Variants in ERC2 observed in about 807,000 individuals in gnomAD.
The protein encoded by ERC2 is ERC protein 2.
Under a neutral mutation model 114.8 loss-of-function variants are expected in ERC2, and 42 were observed. The ratio of observed to expected loss-of-function variants is 0.37; its 90% CI spans 0.29 to 0.47. The LOEUF (loss-of-function observed/expected upper bound fraction) is 0.47, where lower values mean the gene tolerates loss of function less well. Among genes scored for constraint, ERC2 ranks in the 20% least tolerant of loss-of-function variants. ERC2 has a pLI of 0.99. For synonymous variants in ERC2, 454 were observed against 425.5 expected (o/e 1.07, Z -0.82); for missense variants, 939 against 1,150.7 (o/e 0.82, Z 2.66).
chr3:55,557,521 G>C (rs2055701653), intron 17 of ERC2, among the ~76,000 whole-genome samples: 1 of 152,226 alleles, frequency 6.6e-6, no homozygotes, highest in African/African-American at 2.4e-5. Context: ...TGCTTCTCCT[G>C]GCCACCCCTT....
chr3:55,736,525 T>C (rs1410848830), intron 14 of ERC2, among the ~76,000 whole-genome samples: 1 of 152,152 alleles, frequency 6.6e-6, no homozygotes, highest in Non-Finnish European at 1.5e-5. Flanking sequence ...CTCTTTGCCA[T>C]TTGATAGCAT....
intron 3 of ERC2, among the ~76,000 whole-genome samples, chr3:56,271,488 G>A (rs577673132): frequency 1.5e-4 from 23 of 152,240 alleles, no homozygotes; most frequent in African/African-American, 5.5e-4. Context: ...CTATAAGATA[G>A]AGATAACAGA....
rs905542058 is a variant in ERC2, at chr3:55,866,542, C to T, written c.2564+21847G>A. On this transcript the variant is annotated intron_variant, in intron 14 of 17. Coordinates refer to ENST00000288221, the MANE Select transcript of ERC2 (RefSeq NM_015576.3). ...CCATATCTAAAGCAGCTTTATATAA[C>T]CCAAGTTCACCAAGATTTATGCTGA... Among the ~76,000 whole-genome samples the T allele has an allele frequency of 4.0e-5, 6 of 151,572 alleles. No individual in the cohort carries two copies. The East Asian group carries it at 1.2e-3, about 29-fold the overall frequency.
At chr3:55,764,995 CTT>C (rs1367132328) in intron 14 of ERC2, among the ~76,000 whole-genome samples, 1 of 152,098 alleles carries the variant, frequency 6.6e-6, no homozygotes, top group Non-Finnish European at 1.5e-5. Flanking sequence ...CTGTGCCAAA[CTT>C]TATCAATTTC....
At chr3:56,423,588 A>C (rs2107255640) in intron 2 of ERC2, among the ~76,000 whole-genome samples, 1 of 152,256 alleles carries the variant, frequency 6.6e-6, no homozygotes, top group East Asian at 1.9e-4. Flanking sequence ...TGTAAGATGA[A>C]AAGTAGCTGC....
rs762208582 is a variant in ERC2, at chr3:55,733,540, TCTCA to T, written c.2712+1227_2712+1230del. Among the ~76,000 whole-genome samples, 23 of 95,874 alleles carry T rather than the reference TCTCA, an allele frequency of 2.4e-4. No homozygotes were observed. In the South Asian group the frequency reaches 3.0e-3, roughly 13 times the overall value. The allele number at this position is 95,874 out of a possible 152,430, so 62.9% of individuals were successfully genotyped here. A position where few individuals can be genotyped will look rare whatever the true frequency, so the allele number is the denominator to read the frequency against. On this transcript the variant is annotated intron_variant, in intron 15 of 17. Coordinates refer to ENST00000288221, the MANE Select transcript of ERC2 (RefSeq NM_015576.3). ...CTCTGTCTCTCATTCTTTCTCTCTC[TCTCA>T]CACACACACACACACACACACACAC...
At chr3:56,224,938 T>C (rs1008128313) in intron 3 of ERC2, among the ~76,000 whole-genome samples, 2 of 152,104 alleles carry the variant, frequency 1.3e-5, no homozygotes, top group Non-Finnish European at 2.9e-5. Flanking sequence ...GGGAGTGTTA[T>C]CTCCTATCAA....
intron 15 of ERC2, among the ~76,000 whole-genome samples, chr3:55,704,847 A>T (rs985722693): frequency 6.6e-6 from 1 of 152,258 alleles, no homozygotes; most frequent in Non-Finnish European, 1.5e-5. Context: ...CTTACTGAAC[A>T]TCTGCAACTG....
chr3:56,027,669 T>C (rs1190893333), intron 7 of ERC2, among the ~76,000 whole-genome samples: 1 of 152,210 alleles, frequency 6.6e-6, no homozygotes, highest in Non-Finnish European at 1.5e-5. Context: ...AGTTTTTTGT[T>C]TTACTATTCA....
intron 7 of ERC2, among the ~76,000 whole-genome samples, chr3:56,037,212 G>C (rs959244160): frequency 5.9e-5 from 9 of 152,226 alleles, no homozygotes; most frequent in African/African-American, 2.2e-4. Flanking sequence ...TGGATGAACT[G>C]ACAGAAGTAG....
chr3:56,352,852 C>T (rs1220345732), intron 2 of ERC2, among the ~76,000 whole-genome samples: 2 of 152,128 alleles, frequency 1.3e-5, no homozygotes, highest in African/African-American at 4.8e-5. Context: ...ATTACCCTAC[C>T]CTCTTTGCCA....
At chr3:56,441,733 G>C (rs1426562644) in intron 1 of ERC2, among the ~76,000 whole-genome samples, 1 of 152,148 alleles carries the variant, frequency 6.6e-6, no homozygotes, top group Non-Finnish European at 1.5e-5. Context: ...ATTTAGTGGA[G>C]ACAGAATTTC....
chr3:56,355,748 G>C (rs543912197), intron 2 of ERC2, among the ~76,000 whole-genome samples: 112 of 152,182 alleles, frequency 7.4e-4, no homozygotes, highest in African/African-American at 2.6e-3. Context: ...CTCAATCTTA[G>C]GGTAAAGTCT....
intron 14 of ERC2, among the ~76,000 whole-genome samples, chr3:55,812,945 C>T (rs1284045289): frequency 6.6e-6 from 1 of 152,256 alleles, no homozygotes; most frequent in East Asian, 1.9e-4. Context: ...AAATTAACTC[C>T]ATAACCTAAG....
chr3:55,842,101 TA>T (rs933947280), intron 14 of ERC2, among the ~76,000 whole-genome samples: 2 of 151,898 alleles, frequency 1.3e-5, no homozygotes, highest in Admixed American at 6.6e-5. Context: ...GTCCTCACAT[TA>T]AAAAAAATTA....
intron 16 of ERC2, among the ~76,000 whole-genome samples, chr3:55,687,845 A>T (rs886967698): frequency 5.1e-4 from 77 of 152,262 alleles, no homozygotes; most frequent in African/African-American, 1.7e-3. Flanking sequence ...GCTTGGCCAG[A>T]GCCGGGAAAA....
intron 2 of ERC2, among the ~76,000 whole-genome samples, chr3:56,419,691 T>C (rs2061312645): frequency 6.6e-6 from 1 of 152,194 alleles, no homozygotes; most frequent in Non-Finnish European, 1.5e-5. Context: ...TCCCAACACA[T>C]GTGCAATATT....
chr3:56,353,448 A>C (rs2058624888), intron 2 of ERC2, among the ~76,000 whole-genome samples: 1 of 152,064 alleles, frequency 6.6e-6, no homozygotes, highest in Admixed American at 6.5e-5. Context: ...AATGTGGCAC[A>C]TATACACCAT....
intron 7 of ERC2, among the ~76,000 whole-genome samples, chr3:56,054,788 T>G (rs2075934538): frequency 6.6e-6 from 1 of 152,202 alleles, no homozygotes; most frequent in East Asian, 1.9e-4. Context: ...TTGCCAACAC[T>G]CAAGCAAGCA....
Sources: gnomAD v4.1 joint callset for allele counts (sites outside exome capture counted in the v4.1 genomes callset) on GRCh38, gnomAD v4.1.1 for gene constraint, MANE v1.5 for transcripts, NCBI Gene and HGNC (gene_info 2026-07-23, HGNC 2026-07-21) for gene names.